Variants in CLIC5 observed in about 807,000 individuals in gnomAD.
CLIC5 encodes the protein CLIC family member 5.
A neutral mutation model predicts 24.7 loss-of-function variants in CLIC5; 20 were observed. That is an observed-to-expected ratio of 0.81 (90% CI 0.57 to 1.18). The LOEUF is 1.18. CLIC5 is among the 50% of genes most tolerant of loss of function. The probability of loss-of-function intolerance (pLI) is 0.00; values close to 1 mark genes in which losing one functional copy is unlikely to be tolerated. For synonymous variants in CLIC5, 159 were observed against 135.6 expected, an observed-to-expected ratio of 1.17 and a Z score of -1.20; for missense variants, 341 against 326.1, an observed-to-expected ratio of 1.05 and a Z score of -0.35.
intron 5 of CLIC5, among the ~76,000 whole-genome samples, chr6:45,907,950 G>T (rs889469202): frequency 1.3e-5 from 2 of 152,086 alleles, no homozygotes; most frequent in African/African-American, 4.8e-5. Flanking sequence ...ATGTTGAATA[G>T]GAGCGGTGAG....
chr6:46,007,298 C>T (rs1766620683), intron 1 of CLIC5, among the ~76,000 whole-genome samples: 1 of 152,180 alleles, frequency 6.6e-6, no homozygotes, highest in African/African-American at 2.4e-5. Flanking sequence ...CTTCAATTTA[C>T]AATATCTTAG....
At chr6:45,968,024 G>A (rs534359273) in intron 1 of CLIC5, among the ~76,000 whole-genome samples, 2 of 152,254 alleles carry the variant, frequency 1.3e-5, no homozygotes, top group African/African-American at 4.8e-5. Flanking sequence ...GGAATTCCAA[G>A]CAGATCTTCT....
intron 5 of CLIC5, among the ~76,000 whole-genome samples, chr6:45,904,329 G>T (rs1205545643): frequency 6.6e-6 from 1 of 151,968 alleles, no homozygotes; most frequent in East Asian, 1.9e-4. Context: ...GACCTAGCTT[G>T]TACCCATTTG....
chr6:45,934,699 A>G (rs1302763861), intron 4 of CLIC5, among the ~76,000 whole-genome samples: 1 of 152,354 alleles, frequency 6.6e-6, no homozygotes, highest in East Asian at 1.9e-4. Flanking sequence ...TTTTTGTCTT[A>G]GGCTACAGGC....
At chr6:46,092,998 C>T in the CLIC5 span, among the ~76,000 whole-genome samples, 1 of 152,060 alleles carries the variant, frequency 6.6e-6, no homozygotes, top group South Asian at 2.1e-4. Context: ...GTCTCTTACC[C>T]CTCCCCAATC....
chr6:45,900,531 C>CAAAAAAAAAAAAAAAAA lies in CLIC5; in HGVS notation c.*2556_*2557insTTTTTTTTTTTTTTTTT, dbSNP rs397957956. On this transcript the variant is annotated 3_prime_UTR_variant, in exon 6 of 6. Coordinates refer to ENST00000339561, the MANE Select transcript of CLIC5 (RefSeq NM_016929.5). ...ATCTGGAGAAAGATCTCTTTTGAAACAAAAAAAAAAAGGAAGGTAATATTA... is the reference window on the plus strand; with the variant it reads ...ATCTGGAGAAAGATCTCTTTTGAAACAAAAAAAAAAAAAAAAAAAAAAAAAAAAGGAAGGTAATATTA... The CAAAAAAAAAAAAAAAAA allele has an allele frequency of 7.8e-6, 1 of 128,772 alleles. No homozygotes were observed. The highest frequency in any genetic ancestry group is 1.6e-5 in the Non-Finnish European group (1 of 62,000). 8.0% of individuals were successfully genotyped at this position (128,772 alleles called of 1,614,324 possible). A position where few individuals can be genotyped will look rare whatever the true frequency, so the allele number is the denominator to read the frequency against.
intron 1 of CLIC5, among the ~76,000 whole-genome samples, chr6:46,021,594 C>T (rs1175223710): frequency 1.3e-5 from 2 of 152,154 alleles, no homozygotes; most frequent in African/African-American, 4.8e-5. Context: ...CGGTATATCA[C>T]TTAGCGATAA....
At chr6:46,003,514 G>GTCAC (rs1045245058) in intron 1 of CLIC5, among the ~76,000 whole-genome samples, 2 of 152,130 alleles carry the variant, frequency 1.3e-5, no homozygotes, top group Non-Finnish European at 2.9e-5. Flanking sequence ...AAGTCTAAAG[G>GTCAC]TCACTATATA....
At chr6:45,981,545 T>C (rs548367379) in intron 1 of CLIC5, among the ~76,000 whole-genome samples, 1 of 152,342 alleles carries the variant, frequency 6.6e-6, no homozygotes, top group South Asian at 2.1e-4. Flanking sequence ...TCCTTTTCTG[T>C]AAGCAGTTGA....
At chr6:46,029,143 T>C (rs9463168) in intron 1 of CLIC5, among the ~76,000 whole-genome samples, 11,951 of 152,244 alleles carry the variant, frequency 0.078, 567 homozygotes, top group Middle Eastern at 0.12. Flanking sequence ...ATGGAGTCTG[T>C]TCTTTCCTTA....
intron 1 of CLIC5, among the ~76,000 whole-genome samples, chr6:46,007,018 C>T (rs1766611680): frequency 6.6e-6 from 1 of 152,130 alleles, no homozygotes; most frequent in Admixed American, 6.5e-5. Flanking sequence ...TACTTCTTCT[C>T]CATGCTCCCT....
chr6:45,955,023 T>C lies in CLIC5; in HGVS notation c.173+112A>G, dbSNP rs1435466233. ...GATCCTGAGACACAGTTCTGGACAATGACGTGTGAGCAGGGGGCTGCTGGG... is the reference window on the plus strand; with the variant it reads ...GATCCTGAGACACAGTTCTGGACAACGACGTGTGAGCAGGGGGCTGCTGGG... On this transcript the variant is annotated intron_variant, in intron 2 of 5. Transcript: ENST00000339561. The C allele has an allele frequency of 1.0e-5, 7 of 683,970 alleles. No homozygotes were observed. The Admixed American group carries it at 1.8e-4, about 18-fold the overall frequency. 42.4% of individuals were successfully genotyped at this position (683,970 alleles called of 1,614,324 possible). A position where few individuals can be genotyped will look rare whatever the true frequency, so the allele number is the denominator to read the frequency against.
rs1762517870 is a variant in CLIC5, at chr6:45,901,771, T to C, written c.*1317A>G. 6.6e-6 allele frequency: 1 copy of C among 152,426 alleles called. No individual in the cohort carries two copies. Among genetic ancestry groups the C allele is most frequent in the Non-Finnish European group, 1.5e-5 (1 of 68,006 alleles). 9.4% of individuals were successfully genotyped at this position (152,426 alleles called of 1,614,324 possible). A position where few individuals can be genotyped will look rare whatever the true frequency, so the allele number is the denominator to read the frequency against. ...ATATTAGCTTAAAAATTTTTCCTTTTTTTTTTCACCTGGCAGTTGAGTCAG... is the reference window on the plus strand; with the variant it reads ...ATATTAGCTTAAAAATTTTTCCTTTCTTTTTTCACCTGGCAGTTGAGTCAG... On this transcript the variant is annotated 3_prime_UTR_variant, in exon 6 of 6. Transcript: ENST00000339561.
rs367901299 is a variant in CLIC5 at position 45,985,635 on chromosome 6, G to T, written c.63+29845C>A. ...TCAAGGGGCTCCCTGCCCTCTGGCT[G>T]CATTAGGATCAGAAGTCCTAATGCA... On this transcript the variant is annotated intron_variant, in intron 1 of 5. Transcript: ENST00000339561. Among the ~76,000 whole-genome samples the T allele has an allele frequency of 4.6e-5, 7 of 152,066 alleles. 1 individual carries two copies. The East Asian group carries it at 1.4e-3, about 29-fold the overall frequency.
intron 4 of CLIC5, among the ~76,000 whole-genome samples, chr6:45,939,518 T>C (rs1294805583): frequency 1.3e-5 from 2 of 152,124 alleles, no homozygotes; most frequent in Admixed American, 6.5e-5. Flanking sequence ...AGAACAACAG[T>C]CATTGGATTT....
the CLIC5 span, among the ~76,000 whole-genome samples, chr6:46,102,199 G>A: frequency 1.3e-5 from 2 of 152,160 alleles, no homozygotes; most frequent in Non-Finnish European, 2.9e-5. Flanking sequence ...ACAGAAAATT[G>A]TCCGATTTTT....
At chr6:46,123,947 G>C in the CLIC5 span, among the ~76,000 whole-genome samples, 3 of 152,136 alleles carry the variant, frequency 2.0e-5, no homozygotes, top group Non-Finnish European at 4.4e-5. Context: ...ACAAACAAAT[G>C]GAAGAACATT....
In CLIC5 at chr6:45,951,496, C is replaced by G. The variant is rs1301346662; in HGVS notation, c.174-2115G>C. On this transcript the variant is annotated intron_variant, in intron 2 of 5. Transcript: ENST00000339561. ...AAGGAAAGTGGCCTTGTGTTTGACA[C>G]GGCTAGGTCCTGTTAATATCCAGGA... 2.0e-5 allele frequency among the ~76,000 whole-genome samples: 3 copies of G among 152,286 alleles called. No homozygotes were observed. In the East Asian group the frequency reaches 5.8e-4, roughly 29 times the overall value.
downstream of CLIC5, among the ~76,000 whole-genome samples, chr6:45,894,244 G>A (rs982457438): frequency 6.6e-6 from 1 of 152,234 alleles, no homozygotes; most frequent in Non-Finnish European, 1.5e-5. Context: ...GTCTGCTGGT[G>A]AGAGAGTAAG....
Sources: allele counts gnomAD v4.1 joint callset (sites outside exome capture counted in the v4.1 genomes callset), GRCh38; gene constraint gnomAD v4.1.1; transcripts MANE v1.5; gene names NCBI Gene and HGNC (gene_info 2026-07-23, HGNC 2026-07-21).